Variants in HHLA2 observed in about 807,000 individuals in gnomAD.
HHLA2 encodes the protein HHLA2 member of B7 family, also known as HERV-H LTR-associating protein 2.
A neutral mutation model predicts 45.9 loss-of-function variants in HHLA2; 48 were observed. That is an observed-to-expected ratio of 1.05 (90% CI 0.83 to 1.33). The LOEUF (loss-of-function observed/expected upper bound fraction) is 1.33, where lower values mean the gene tolerates loss of function less well. HHLA2 is among the 40% of genes most tolerant of loss of function. HHLA2 has a pLI of 0.00. For synonymous variants in HHLA2, 161 were observed against 173.9 expected, an observed-to-expected ratio of 0.93 and a Z score of 0.59; for missense variants, 462 against 494.3, an observed-to-expected ratio of 0.93 and a Z score of 0.62.
At chr3:108,325,174 A>G (rs139166819) in intron 2 of HHLA2, among the ~76,000 whole-genome samples, 250 of 152,284 alleles carry the variant, frequency 1.6e-3, no homozygotes, top group Non-Finnish European at 2.1e-3. Context: ...TTAGAAAGAC[A>G]TTTATTCAGT....
Position 108,365,201 on chromosome 3 carries a change from T to C in HHLA2, c.1108+2755T>C, listed in dbSNP as rs1006148030. 4.6e-5 allele frequency among the ~76,000 whole-genome samples: 7 copies of C among 152,252 alleles called. No homozygotes were observed. The South Asian group carries it at 1.4e-3, about 32-fold the overall frequency. ...AGGTGTAAGGAAGGGGTCTAGCTTC[T>C]ATTTTCTGCATATGGCTAGCAAGTT... is the stretch of plus-strand genomic sequence containing the variant. On this transcript the variant is annotated intron_variant, in intron 8 of 10. Transcript: ENST00000619531.
At chr3:108,343,462 A>G (rs538293374) in intron 3 of HHLA2, among the ~76,000 whole-genome samples, 16 of 152,340 alleles carry the variant, frequency 1.1e-4, no homozygotes, top group African/African-American at 3.8e-4. Flanking sequence ...CTGAGGACTG[A>G]TAGCCACTAA....
chr3:108,321,472 T>G (rs1343604901), intron 2 of HHLA2, among the ~76,000 whole-genome samples: 1 of 152,198 alleles, frequency 6.6e-6, no homozygotes, highest in South Asian at 2.1e-4. Context: ...TCTTTAGAAT[T>G]CTGGATGTGG....
At chr3:108,307,565 C>T (rs545157907) in intron 1 of HHLA2, among the ~76,000 whole-genome samples, 3 of 151,390 alleles carry the variant, frequency 2.0e-5, no homozygotes, top group South Asian at 4.2e-4. Flanking sequence ...AACAAGAAGA[C>T]GGAGGTTGCA....
exon 9 of HHLA2, chr3:108,375,768 G>A: frequency 6.2e-7 from 1 of 1,611,234 alleles, no homozygotes; most frequent in Non-Finnish European, 8.5e-7. Flanking sequence ...GAAGCCAGGA[G>A]GAGCAGACAC....
exon 11 of HHLA2, chr3:108,377,379 A>T: frequency 1.2e-6 from 1 of 857,810 alleles, no homozygotes; most frequent in Non-Finnish European, 1.9e-6. Flanking sequence ...GGCCTGTCGG[A>T]GCAGACAATT....
chr3:108,296,926 A>G (rs1164408703), intron 1 of HHLA2, among the ~76,000 whole-genome samples: 1 of 152,260 alleles, frequency 6.6e-6, no homozygotes, highest in African/African-American at 2.4e-5. Flanking sequence ...CTTTAAAAAA[A>G]TCTCTAAGAG....
chr3:108,317,298 T>C (rs1475744451), intron 2 of HHLA2, among the ~76,000 whole-genome samples: 1 of 152,190 alleles, frequency 6.6e-6, no homozygotes, highest in Non-Finnish European at 1.5e-5. Context: ...CTAACCAGGA[T>C]TTTTTTAAAG....
At chr3:108,365,057 A>G (rs1024335604) in intron 8 of HHLA2, among the ~76,000 whole-genome samples, 1 of 152,176 alleles carries the variant, frequency 6.6e-6, no homozygotes, top group African/African-American at 2.4e-5. Context: ...TGTTTTAGTC[A>G]TGAAGTCCTT....
At chr3:108,325,845 C>G (rs933622142) in intron 2 of HHLA2, 1 of 373,422 alleles carries the variant, frequency 2.7e-6, no homozygotes, top group Non-Finnish European at 5.2e-6. Flanking sequence ...CCACGACCAC[C>G]ACTCACATCT....
chr3:108,300,806 T>C (rs1449839061), intron 1 of HHLA2, among the ~76,000 whole-genome samples: 1 of 152,208 alleles, frequency 6.6e-6, no homozygotes, highest in Admixed American at 6.5e-5. Flanking sequence ...AGGATGTTGC[T>C]CTTATTGCTT....
At chr3:108,354,128 A>C (rs6793841) in intron 5 of HHLA2, among the ~76,000 whole-genome samples, 102,662 of 151,858 alleles carry the variant, frequency 0.68, 35,580 homozygotes, top group African/African-American at 0.77. Context: ...TAGTCTTATC[A>C]GTACCAAATA....
chr3:108,368,529 G>A (rs2082106348), intron 8 of HHLA2, among the ~76,000 whole-genome samples: 2 of 33,048 alleles, frequency 6.1e-5, no homozygotes, highest in Non-Finnish European at 5.2e-5. Context: ...CCAAGCAAAC[G>A]AAGAGCAAAA....
intron 2 of HHLA2, among the ~76,000 whole-genome samples, chr3:108,319,452 A>G (rs929642779): frequency 1.1e-4 from 17 of 152,288 alleles, no homozygotes; most frequent in Non-Finnish European, 1.8e-4. Context: ...GTCCTTCTTG[A>G]ATATTCTACC....
intron 8 of HHLA2, among the ~76,000 whole-genome samples, chr3:108,372,422 G>C (rs551391418): frequency 2.6e-5 from 4 of 151,144 alleles, no homozygotes; most frequent in Admixed American, 1.3e-4. Flanking sequence ...AAGAACTAGA[G>C]AAGCAAGAGC....
chr3:108,360,054 C>T (rs923488836), intron 7 of HHLA2, among the ~76,000 whole-genome samples: 4 of 152,120 alleles, frequency 2.6e-5, no homozygotes, highest in Admixed American at 1.3e-4. Context: ...GACACAGCCT[C>T]TCCAGTAATT....
In HHLA2 at chr3:108,362,379, ATGGAT is replaced by A. The variant is rs1353857188; in HGVS notation, c.1043_1047del (p.Trp348PhefsTer33). ...AAACAGCTTCCCATAACAAAGGCTT[ATGGAT>A]TTTGGTGCCCTCTGCGATTTTGGCA... On this transcript the variant is annotated frameshift_variant, in exon 8 of 11. Transcript: ENST00000619531. LOFTEE classifies it high-confidence loss of function. 3.7e-6 allele frequency: 6 copies of A among 1,612,500 alleles called. No individual in the cohort carries two copies. In the Admixed American group the frequency reaches 1.0e-4, roughly 27 times the overall value.
intron 2 of HHLA2, among the ~76,000 whole-genome samples, chr3:108,321,091 T>TAAAAAAAAAAAAAAAAAAAAAAAAAAAAA (rs67374827): frequency 5.9e-5 from 6 of 101,428 alleles, no homozygotes; most frequent in South Asian, 3.8e-4. Context: ...TCCAGGTGTT[T>TAAAAAAAAAAAAAAAAAAAAAAAAAAAAA]AAAAAAAAAA....
intron 3 of HHLA2, among the ~76,000 whole-genome samples, chr3:108,337,043 T>C (rs905773442): frequency 1.6e-4 from 25 of 152,048 alleles, no homozygotes; most frequent in African/African-American, 5.3e-4. Flanking sequence ...TGAGGGGAAA[T>C]GGCATTTCCA....
Sources: allele counts gnomAD v4.1 joint callset (sites outside exome capture counted in the v4.1 genomes callset), GRCh38; gene constraint gnomAD v4.1.1; transcripts MANE v1.5; gene names NCBI Gene and HGNC (gene_info 2026-07-23, HGNC 2026-07-21).